GNA14: variants seen among roughly 807,000 people sequenced by gnomAD.
The protein encoded by GNA14 is guanine nucleotide-binding protein subunit alpha-14.
In GNA14, 50 loss-of-function variants were observed where a neutral mutation model predicts 42.0. That is an observed-to-expected ratio of 1.19 (90% CI 0.95 to 1.51). The LOEUF (loss-of-function observed/expected upper bound fraction) is 1.51. Among genes scored for constraint, GNA14 ranks in the 40% most tolerant of loss-of-function variants. The pLI, the probability that GNA14 is intolerant of heterozygous loss-of-function variation, is 0.00. For synonymous variants in GNA14, 173 were observed against 163.1 expected (o/e 1.06, Z -0.46); for missense variants, 473 against 446.2 (o/e 1.06, Z -0.54).
At chr9:77,536,753 C>G (rs1837603950) in intron 1 of GNA14, among the ~76,000 whole-genome samples, 1 of 152,168 alleles carries the variant, frequency 6.6e-6, no homozygotes, top group South Asian at 2.1e-4. Flanking sequence ...ATCTTTGGGT[C>G]TCATTTTGAT....
chr9:77,583,144 A>C (rs1823252189), intron 1 of GNA14, among the ~76,000 whole-genome samples: 1 of 152,190 alleles, frequency 6.6e-6, no homozygotes, highest in Non-Finnish European at 1.5e-5. Context: ...CCTATCTCTA[A>C]TTGGGCTAAT....
chr9:77,586,849 G>A (rs1823313044), intron 1 of GNA14, among the ~76,000 whole-genome samples: 2 of 152,172 alleles, frequency 1.3e-5, no homozygotes, highest in Admixed American at 6.5e-5. Flanking sequence ...AAAGGAAGAT[G>A]GAACCTCCAT....
At chr9:77,485,398 G>A (rs559749213) in intron 2 of GNA14, among the ~76,000 whole-genome samples, 1 of 152,210 alleles carries the variant, frequency 6.6e-6, no homozygotes, top group Admixed American at 6.5e-5. Flanking sequence ...TACCACATCT[G>A]TAATTACTTC....
intron 1 of GNA14, among the ~76,000 whole-genome samples, chr9:77,623,573 G>C (rs1587852053): frequency 6.6e-6 from 1 of 152,180 alleles, no homozygotes; most frequent in Non-Finnish European, 1.5e-5. Flanking sequence ...TAAGGTACCT[G>C]GCTCATCTCA....
intron 1 of GNA14, among the ~76,000 whole-genome samples, chr9:77,536,926 A>AT (rs113845857): frequency 3.5e-4 from 53 of 151,940 alleles, no homozygotes; most frequent in Admixed American, 9.8e-4. Flanking sequence ...CCATATGTGC[A>AT]TTTTTTTTTA....
intron 1 of GNA14, among the ~76,000 whole-genome samples, chr9:77,646,553 C>T (rs767555272): frequency 6.6e-6 from 1 of 152,126 alleles, no homozygotes; most frequent in Admixed American, 6.5e-5. Context: ...CTCTATATTA[C>T]ACTAACTAGA....
At chr9:77,641,217 C>G (rs552411676) in intron 1 of GNA14, among the ~76,000 whole-genome samples, 1 of 150,270 alleles carries the variant, frequency 6.7e-6, no homozygotes, top group Non-Finnish European at 1.5e-5. Flanking sequence ...CAAATGCCAA[C>G]TGGTAAATGT....
At chr9:77,524,209 G>GA (rs1379964686) in intron 2 of GNA14, among the ~76,000 whole-genome samples, 2 of 152,008 alleles carry the variant, frequency 1.3e-5, no homozygotes, top group African/African-American at 4.8e-5. Context: ...CAAGGTATAA[G>GA]AAAAAATCTT....
chr9:77,617,784 G>T (rs1823847320), intron 1 of GNA14, among the ~76,000 whole-genome samples: 1 of 151,926 alleles, frequency 6.6e-6, no homozygotes, highest in Non-Finnish European at 1.5e-5. Context: ...TTCCACCTCA[G>T]GCTGTCTCCC....
At chr9:77,432,107 T>TA (rs1258219828) in intron 3 of GNA14, among the ~76,000 whole-genome samples, 33 of 138,552 alleles carry the variant, frequency 2.4e-4, no homozygotes, top group African/African-American at 8.6e-4. Context: ...AGAGAATCCT[T>TA]TAAAAAAAAA....
At chr9:77,447,024 C>A (rs1835831089) in intron 2 of GNA14, among the ~76,000 whole-genome samples, 1 of 151,188 alleles carries the variant, frequency 6.6e-6, no homozygotes, top group Non-Finnish European at 1.5e-5. Flanking sequence ...AGTGCAATGG[C>A]ACAATCTCGG....
intron 2 of GNA14, among the ~76,000 whole-genome samples, chr9:77,451,841 C>G (rs1564018047): frequency 6.6e-6 from 1 of 152,186 alleles, no homozygotes; most frequent in Non-Finnish European, 1.5e-5. Context: ...TCAAGCATCT[C>G]AAAGTTACAC....
intron 2 of GNA14, among the ~76,000 whole-genome samples, chr9:77,506,671 A>T (rs1837076541): frequency 6.6e-6 from 1 of 152,092 alleles, no homozygotes; most frequent in Admixed American, 6.5e-5. Flanking sequence ...GCGAGACTCC[A>T]TCTCGAAAAA....
chr9:77,623,253 A>AAAAG (rs1823960833), intron 1 of GNA14, among the ~76,000 whole-genome samples: 1 of 115,382 alleles, frequency 8.7e-6, no homozygotes, highest in Non-Finnish European at 1.9e-5. Context: ...AAAAAAAAAA[A>AAAAG]GGAAAGAAAA....
intron 1 of GNA14, among the ~76,000 whole-genome samples, chr9:77,572,243 A>C (rs1823071251): frequency 6.6e-6 from 1 of 152,198 alleles, no homozygotes; most frequent in Non-Finnish European, 1.5e-5. Context: ...GTGTTTTCCA[A>C]GAAAAGATCT....
chr9:77,535,708 A>C lies in GNA14; in HGVS notation c.125-6455T>G, dbSNP rs567285294. ...GATTCTTGGGCCCCTTGTCAGGTCT[A>C]ATAATTTTGACAGATTTGAAAATAT... is the stretch of plus-strand genomic sequence containing the variant. On this transcript the variant is annotated intron_variant, in intron 1 of 6. Coordinates refer to ENST00000341700, the MANE Select transcript of GNA14 (RefSeq NM_004297.4). 3.4e-4 allele frequency among the ~76,000 whole-genome samples: 52 copies of C among 152,296 alleles called. 1 individual carries two copies. Among genetic ancestry groups the C allele is most frequent in the African/African-American group, 1.2e-3 (50 of 41,552 alleles).
rs770551887 is a variant in GNA14, at chr9:77,424,014, G to A, written c.1033C>T (p.Leu345=). Residue 345 remains leucine (L), a synonymous_variant, in exon 7 of 7, where the codon CTA becomes TTA. Coordinates refer to ENST00000341700, the MANE Select transcript of GNA14 (RefSeq NM_004297.4). ...TTGAATTCCCTTAGGTTTAGCTGTAGAATTGTGTCTTTGACAGCAGCAAAC... is the reference window on the plus strand; with the variant it reads ...TTGAATTCCCTTAGGTTTAGCTGTAAAATTGTGTCTTTGACAGCAGCAAAC... ...FVFAAVKDTI[L]QLNLREFNLV The A allele has an allele frequency of 2.5e-6, 4 of 1,608,882 alleles. No homozygotes were observed. Among genetic ancestry groups the A allele is most frequent in the Admixed American group, 3.4e-5 (2 of 59,520 alleles).
intron 2 of GNA14, among the ~76,000 whole-genome samples, chr9:77,525,089 T>C (rs909747951): frequency 2.0e-5 from 3 of 152,244 alleles, no homozygotes; most frequent in Non-Finnish European, 4.4e-5. Flanking sequence ...TATTCTTAAC[T>C]TACTATTCTT....
intron 1 of GNA14, among the ~76,000 whole-genome samples, chr9:77,595,703 A>G (rs2117900463): frequency 6.6e-6 from 1 of 152,258 alleles, no homozygotes; most frequent in Admixed American, 6.5e-5. Context: ...ATCACTTGAC[A>G]GGCATGTGAA....
Sources: allele counts gnomAD v4.1 joint callset (sites outside exome capture counted in the v4.1 genomes callset), GRCh38; gene constraint gnomAD v4.1.1; transcripts MANE v1.5; gene names NCBI Gene and HGNC (gene_info 2026-07-23, HGNC 2026-07-21).